Variants in DCBLD2 observed in about 807,000 individuals in gnomAD.
DCBLD2 encodes the protein discoidin, CUB and LCCL domain-containing protein 2.
Under a neutral mutation model 86.8 loss-of-function variants are expected in DCBLD2, and 54 were observed. That is an observed-to-expected ratio of 0.62 (90% CI 0.50 to 0.78). The LOEUF is 0.78. Ranked by LOEUF, DCBLD2 falls within the 30% of genes least tolerant of loss-of-function variation. The probability of loss-of-function intolerance (pLI) is 0.00; values close to 1 mark genes in which losing one functional copy is unlikely to be tolerated. For synonymous variants in DCBLD2, 354 were observed against 341.3 expected, an observed-to-expected ratio of 1.04 and a Z score of -0.41; for missense variants, 908 against 954.2, an observed-to-expected ratio of 0.95 and a Z score of 0.64.
intron 2 of DCBLD2, among the ~76,000 whole-genome samples, chr3:98,862,193 C>A (rs200946015): frequency 6.6e-6 from 1 of 152,092 alleles, no homozygotes; most frequent in Non-Finnish European, 1.5e-5. Flanking sequence ...AATCCCTGAA[C>A]AGACCAATAA....
At chr3:98,856,829 A>G (rs1314564875) in intron 2 of DCBLD2, among the ~76,000 whole-genome samples, 1 of 152,248 alleles carries the variant, frequency 6.6e-6, no homozygotes, top group Admixed American at 6.5e-5. Context: ...AACATAAGGA[A>G]TGTTGAAAAG....
At chr3:98,848,863 T>C (rs1413958008) in intron 3 of DCBLD2, among the ~76,000 whole-genome samples, 1 of 152,170 alleles carries the variant, frequency 6.6e-6, no homozygotes, top group Non-Finnish European at 1.5e-5. Flanking sequence ...TTCAATAATT[T>C]ATAAATTTTA....
intron 7 of DCBLD2, among the ~76,000 whole-genome samples, 175 bp downstream of exon 7, chr3:98,820,073 A>G (rs1438456775): frequency 6.6e-6 from 1 of 152,220 alleles, no homozygotes; most frequent in Non-Finnish European, 1.5e-5. Context: ...TTCTCTATAA[A>G]TATAAAACTT....
At chr3:98,900,302 T>C (rs1212523764) in intron 1 of DCBLD2, among the ~76,000 whole-genome samples, 2 of 152,178 alleles carry the variant, frequency 1.3e-5, no homozygotes, top group Non-Finnish European at 2.9e-5. Flanking sequence ...GAAAATGCAA[T>C]GGAAATATCT....
At chr3:98,801,708 C>T in intron 13 of DCBLD2, 59 bp from the exon 14 acceptor site, 6 of 1,335,706 alleles carry the variant, frequency 4.5e-6, no homozygotes, top group Non-Finnish European at 5.2e-6. Flanking sequence ...AAGCCTGCTC[C>T]CCCTACCCCA....
chr3:98,865,055 T>C (rs998856138), intron 2 of DCBLD2, among the ~76,000 whole-genome samples: 2 of 152,046 alleles, frequency 1.3e-5, no homozygotes, highest in African/African-American at 4.8e-5. Flanking sequence ...GTATGGAAGT[T>C]CCTCAAAAAA....
chr3:98,865,544 A>G (rs972700572), intron 2 of DCBLD2, among the ~76,000 whole-genome samples: 3 of 152,182 alleles, frequency 2.0e-5, no homozygotes, highest in Admixed American at 6.5e-5. Flanking sequence ...GAAACACTGT[A>G]TAACAGTGTA....
At chr3:98,843,269 C>G (rs1357335773) in intron 3 of DCBLD2, among the ~76,000 whole-genome samples, 1 of 152,102 alleles carries the variant, frequency 6.6e-6, no homozygotes, top group Admixed American at 6.5e-5. Flanking sequence ...GGAATGTAAA[C>G]TGAAACTTCA....
rs1941592446 is a variant in DCBLD2, at chr3:98,796,280, T to C, written c.*3092A>G. 2.0e-5 allele frequency: 3 copies of C among 151,900 alleles called. 1 individual carries two copies. In the South Asian group the frequency reaches 6.3e-4, roughly 32 times the overall value. 9.4% of individuals were successfully genotyped at this position (151,900 alleles called of 1,614,324 possible). A position where few individuals can be genotyped will look rare whatever the true frequency, so the allele number is the denominator to read the frequency against. On this transcript the variant is annotated 3_prime_UTR_variant, in exon 16 of 16. Coordinates refer to ENST00000326840, the MANE Select transcript of DCBLD2 (RefSeq NM_080927.4). ...AACAAAACAAAACAAAAAAAAACAG[T>C]CACAAGTTGGATTACATTAGAATTG...
chr3:98,872,744 C>G (rs1366570873), intron 2 of DCBLD2, among the ~76,000 whole-genome samples: 1 of 151,762 alleles, frequency 6.6e-6, no homozygotes, highest in Non-Finnish European at 1.5e-5. Flanking sequence ...TAGAACAAAA[C>G]TATAAACCTT....
At chr3:98,871,887 G>A (rs1232732365) in intron 2 of DCBLD2, among the ~76,000 whole-genome samples, 1 of 152,142 alleles carries the variant, frequency 6.6e-6, no homozygotes, top group African/African-American at 2.4e-5. Flanking sequence ...AAATTCAGCT[G>A]TGAATCCATC....
At chr3:98,853,415 TTTGC>T (rs1417700323) in intron 2 of DCBLD2, among the ~76,000 whole-genome samples, 1 of 152,214 alleles carries the variant, frequency 6.6e-6, no homozygotes, top group African/African-American at 2.4e-5. Context: ...CACACTCCAG[TTTGC>T]CACAGCCCTA....
intron 1 of DCBLD2, 111 bp from the exon 2 acceptor site, chr3:98,881,878 A>G: frequency 9.7e-7 from 1 of 1,034,246 alleles, no homozygotes. Context: ...ATTTTATACC[A>G]CCCATACTTT....
intron 2 of DCBLD2, among the ~76,000 whole-genome samples, chr3:98,863,506 A>C (rs1943084740): frequency 6.6e-6 from 1 of 152,254 alleles, no homozygotes; most frequent in Admixed American, 6.5e-5. Flanking sequence ...TACTGGGACC[A>C]AAACAGAGAT....
intron 1 of DCBLD2, among the ~76,000 whole-genome samples, chr3:98,887,171 T>A (rs553289251): frequency 6.2e-4 from 71 of 115,358 alleles, no homozygotes; most frequent in African/African-American, 2.2e-3. Flanking sequence ...AGGTTTAAAC[T>A]TTTCCAGTGA....
chr3:98,800,499 C>T, intron 15 of DCBLD2, 80 bp downstream of exon 15: 3 of 1,424,952 alleles, frequency 2.1e-6, no homozygotes, highest in Non-Finnish European at 2.8e-6. Flanking sequence ...GATCAAAGAA[C>T]TGTAAATCCC....
intron 4 of DCBLD2, among the ~76,000 whole-genome samples, chr3:98,822,997 C>T (rs149932491): frequency 1.3e-5 from 2 of 152,250 alleles, no homozygotes; most frequent in African/African-American, 2.4e-5. Context: ...CTCAGCCTCC[C>T]GAGTAGCTGG....
At chr3:98,844,034 G>GCACACA (rs10574415) in intron 3 of DCBLD2, among the ~76,000 whole-genome samples, 1,610 of 145,614 alleles carry the variant, frequency 0.011, 17 homozygotes, top group African/African-American at 0.03. Context: ...AATCATGCAT[G>GCACACA]CACACACACA....
At chr3:98,843,129 T>G (rs1466187862) in intron 3 of DCBLD2, among the ~76,000 whole-genome samples, 1 of 152,166 alleles carries the variant, frequency 6.6e-6, no homozygotes, top group Non-Finnish European at 1.5e-5. Flanking sequence ...TTGGTAACAC[T>G]TTGTTCGTCA....
Sources: gnomAD v4.1 joint callset for allele counts (sites outside exome capture counted in the v4.1 genomes callset) on GRCh38, gnomAD v4.1.1 for gene constraint, MANE v1.5 for transcripts, NCBI Gene and HGNC (gene_info 2026-07-23, HGNC 2026-07-21) for gene names.